Variants in CFAP46 observed in about 807,000 individuals in gnomAD.
The protein encoded by CFAP46 is cilia- and flagella-associated protein 46.
A neutral mutation model predicts 325.7 loss-of-function variants in CFAP46; 245 were observed. The observed-to-expected ratio is 0.75, with a 90% CI of 0.68 to 0.84. The LOEUF (loss-of-function observed/expected upper bound fraction) is 0.84, where lower values mean the gene tolerates loss of function less well. Among genes scored for constraint, CFAP46 ranks in the 40% least tolerant of loss-of-function variants. The pLI is 0.00. For synonymous variants in CFAP46, 1,523 were observed against 1,495.9 expected, an observed-to-expected ratio of 1.02 and a Z score of -0.42; for missense variants, 3,346 against 3,543.0, an observed-to-expected ratio of 0.94 and a Z score of 1.41.
At chr10:132,824,321 T>C (rs1847981353) in intron 50 of CFAP46, among the ~76,000 whole-genome samples, 1 of 135,452 alleles carries the variant, frequency 7.4e-6, no homozygotes, top group Non-Finnish European at 1.6e-5. Flanking sequence ...TGTGCACTGA[T>C]GTGTGCTGTG....
At chr10:132,845,570 T>C in intron 44 of CFAP46, among the ~76,000 whole-genome samples, 1 of 152,234 alleles carries the variant, frequency 6.6e-6, no homozygotes, top group East Asian at 1.9e-4. Context: ...TCAAGAAATG[T>C]CGTCGTCTTT....
In CFAP46 at chr10:132,884,117, G is replaced by T. The variant is rs543182638; in HGVS notation, c.3627+986C>A. ...TGGGTCCTGCCTTCCCCAGCCGCCC[G>T]CAGCCTCCCCTCCTCAGGCCCTTCC... On this transcript the variant is annotated intron_variant, in intron 27 of 57. Transcript: ENST00000368586. This position sits in a 1 kb window ranked among gnomAD's most constrained non-coding sequence, Gnocchi z 5.4. Among the ~76,000 whole-genome samples, 1 of 152,202 alleles carries T rather than the reference G, an allele frequency of 6.6e-6. No homozygotes were observed. Among genetic ancestry groups the T allele is most frequent in the African/African-American group, 2.4e-5 (1 of 41,454 alleles).
intron 34 of CFAP46, among the ~76,000 whole-genome samples, chr10:132,866,376 G>A (rs759463357): frequency 6.6e-5 from 10 of 152,106 alleles, no homozygotes; most frequent in African/African-American, 1.4e-4. Context: ...CCTTTCCCCC[G>A]ACAGACCTCC....
chr10:132,816,584 T>C (rs1031748776), intron 50 of CFAP46, among the ~76,000 whole-genome samples: 2 of 152,152 alleles, frequency 1.3e-5, no homozygotes, highest in African/African-American at 4.8e-5. Context: ...CCGCCCACCT[T>C]GGCCTCCCAA....
At chr10:132,819,423 C>A (rs1847754693) in intron 50 of CFAP46, among the ~76,000 whole-genome samples, 1 of 152,114 alleles carries the variant, frequency 6.6e-6, no homozygotes, top group African/African-American at 2.4e-5. Context: ...CACAAAAGAC[C>A]CTGAATAATC....
intron 47 of CFAP46, among the ~76,000 whole-genome samples, 177 bp downstream of exon 47, chr10:132,835,127 C>T (rs569947157): frequency 4.2e-4 from 64 of 152,366 alleles, no homozygotes; most frequent in Non-Finnish European, 7.6e-4. Flanking sequence ...AGCAAGTTCT[C>T]CCCCCACATG....
At chr10:132,896,418 A>G (rs1310390814) in intron 24 of CFAP46, among the ~76,000 whole-genome samples, 2 of 152,268 alleles carry the variant, frequency 1.3e-5, no homozygotes, top group Non-Finnish European at 2.9e-5. Context: ...TTGATAAATA[A>G]ATTAAGCCAT....
At chr10:132,867,911 T>A (rs1848840631) in intron 33 of CFAP46, among the ~76,000 whole-genome samples, 1 of 152,212 alleles carries the variant, frequency 6.6e-6, no homozygotes, top group Non-Finnish European at 1.5e-5. Flanking sequence ...AGGTGTCTGC[T>A]ACCTTCCCCT....
At chr10:132,898,118 A>T (rs1341302706) in intron 24 of CFAP46, among the ~76,000 whole-genome samples, 1 of 152,100 alleles carries the variant, frequency 6.6e-6, no homozygotes, top group Non-Finnish European at 1.5e-5. Context: ...AGCAGAAGAG[A>T]GCTCAGAGTG....
chr10:132,904,467 T>C (rs1849429656), intron 22 of CFAP46, among the ~76,000 whole-genome samples: 1 of 152,266 alleles, frequency 6.6e-6, no homozygotes, highest in Non-Finnish European at 1.5e-5. Flanking sequence ...TTCCAAAGTC[T>C]TAACGTGGAA....
rs1400714712 is a variant in CFAP46 at position 132,832,751 on chromosome 10, A to G, written c.7117+607T>C. 6.4e-6 allele frequency: 3 copies of G among 471,304 alleles called. No homozygotes were observed. The highest frequency in any genetic ancestry group is 4.6e-5 in the South Asian group (3 of 64,568). The allele number at this position is 471,304 out of a possible 1,614,324, so 29.2% of individuals were successfully genotyped here. A position where few individuals can be genotyped will look rare whatever the true frequency, so the allele number is the denominator to read the frequency against. On this transcript the variant is annotated intron_variant, in intron 50 of 57. Coordinates refer to ENST00000368586, the MANE Select transcript of CFAP46 (RefSeq NM_001200049.3). This position sits in a 1 kb window ranked among gnomAD's most constrained non-coding sequence, Gnocchi z 4.1. The stretch of plus-strand genomic sequence containing the variant: ...CAGTCACAGAATGTCATCACCCCCG[A>G]ATCCCAGCCGAGGTCAGGGCCTTCC...
chr10:132,838,945 C>T (rs1848309083), intron 44 of CFAP46, among the ~76,000 whole-genome samples: 1 of 152,242 alleles, frequency 6.6e-6, no homozygotes, highest in African/African-American at 2.4e-5. Flanking sequence ...CTGCGTCAGG[C>T]TTCAATTTTG....
chr10:132,819,652 C>T (rs920506400), intron 50 of CFAP46, among the ~76,000 whole-genome samples: 5 of 152,160 alleles, frequency 3.3e-5, no homozygotes, highest in South Asian at 4.1e-4. Context: ...ATGACGGTCT[C>T]GTCAATAAAC....
intron 25 of CFAP46, 36 bp downstream of exon 25, chr10:132,892,297 C>T (rs1307460517): frequency 1.3e-6 from 2 of 1,540,160 alleles, no homozygotes; most frequent in Admixed American, 2.0e-5. Flanking sequence ...TTTCCTTGTA[C>T]CTGGAGCCTG....
chr10:132,921,040 C>T (rs542242489), intron 13 of CFAP46, among the ~76,000 whole-genome samples: 1 of 152,368 alleles, frequency 6.6e-6, no homozygotes, highest in East Asian at 1.9e-4. Flanking sequence ...GCGGCAGCCC[C>T]TTCCCGCTCC....
Position 132,834,725 on chromosome 10 carries a change from G to A in CFAP46, c.6795C>T (p.Leu2265=), listed in dbSNP as rs1198133579. 2.5e-6 allele frequency: 4 copies of A among 1,613,128 alleles called. No individual in the cohort carries two copies. Among genetic ancestry groups the A allele is most frequent in the Admixed American group, 1.7e-5 (1 of 59,970 alleles). ...VEEKERPVQR[L]SSVLGPLEEL... ...CCTCCAGGGGCCCCAGGACGCTACT[G>A]AGCCTCTGCACAGGGCGCTCCTTCT... The change falls in exon 48 of 58, where the codon CTC becomes CTT. Residue 2265 remains leucine (L), a synonymous_variant. Coordinates refer to ENST00000368586, the MANE Select transcript of CFAP46 (RefSeq NM_001200049.3).
chr10:132,885,879 C>T lies in CFAP46; in HGVS notation c.3385G>A (p.Gly1129Ser). The T allele has an allele frequency of 6.5e-7, 1 of 1,550,036 alleles. No homozygotes were observed. Among genetic ancestry groups the T allele is most frequent in the Non-Finnish European group, 8.7e-7 (1 of 1,146,794 alleles). Residue 1129 changes from glycine to serine, a missense_variant, in exon 26 of 58, where the codon GGC becomes AGC. Transcript: ENST00000368586. ...HSHADQDDWE[G>S]GLKVLDEAVQ... ...GCCTCGTCCAGCACCTTGAGGCCGCCCTCCCAGTCGTCCTGGTCGGCATGG... is the reference window on the plus strand; with the variant it reads ...GCCTCGTCCAGCACCTTGAGGCCGCTCTCCCAGTCGTCCTGGTCGGCATGG...
In CFAP46 at chr10:132,851,223, T is replaced by C. The variant is rs772793689; in HGVS notation, c.5657A>G (p.Gln1886Arg). Residue 1886 changes from glutamine to arginine, a missense_variant, in exon 40 of 58, where the codon CAG becomes CGG. By Grantham distance (43) the Gln-to-Arg change is conservative. Coordinates refer to ENST00000368586, the MANE Select transcript of CFAP46 (RefSeq NM_001200049.3). The part of the protein sequence containing the change: ...GLVEMALDML[Q>R]FIWEEAHGQQ... ...CCCGTGGGCCTCCTCCCAGATGAAC[T>C]GGAGCATGTCCAGAGCCATTTCCAC... The C allele has an allele frequency of 1.9e-6, 3 of 1,614,128 alleles. No individual in the cohort carries two copies. Among genetic ancestry groups the C allele is most frequent in the African/African-American group, 2.7e-5 (2 of 75,066 alleles).
intron 35 of CFAP46, among the ~76,000 whole-genome samples, chr10:132,861,345 C>T (rs1345094646): frequency 3.3e-5 from 5 of 152,342 alleles, no homozygotes; most frequent in East Asian, 1.9e-4. Flanking sequence ...GTGGAATCGG[C>T]GTTCAGGGAG....
Sources: gnomAD v4.1 joint callset for allele counts (sites outside exome capture counted in the v4.1 genomes callset) on GRCh38, gnomAD v4.1.1 for gene constraint, Gnocchi (gnomAD v3.1) non-coding constraint, MANE v1.5 for transcripts, NCBI Gene and HGNC (gene_info 2026-07-23, HGNC 2026-07-21) for gene names.